The following EIF2B3 variants were observed in gnomAD, a reference collection of about 807,000 sequenced individuals.
EIF2B3 encodes eukaryotic translation initiation factor 2B subunit gamma.
Under a neutral mutation model 54.1 loss-of-function variants are expected in EIF2B3, and 20 were observed. That is an observed-to-expected ratio of 0.37 (90% CI 0.26 to 0.54). The LOEUF (loss-of-function observed/expected upper bound fraction) is 0.54. EIF2B3 is among the 20% of genes least tolerant of loss of function. The probability of loss-of-function intolerance (pLI) is 0.86; values close to 1 mark genes in which losing one functional copy is unlikely to be tolerated. For missense variants in EIF2B3, 448 were observed against 547.8 expected (o/e 0.82, Z 1.82); for synonymous variants, 153 against 188.1 (o/e 0.81, Z 1.52).
intron 8 of EIF2B3, 81 bp downstream of exon 8, chr1:44,879,737 T>G: frequency 6.8e-7 from 1 of 1,476,070 alleles, no homozygotes; most frequent in Non-Finnish European, 9.4e-7. Flanking sequence ...CAAGTTACTA[T>G]GTACCTAATG....
At chr1:44,978,916 C>A (rs1251963728) in intron 2 of EIF2B3, among the ~76,000 whole-genome samples, 1 of 151,786 alleles carries the variant, frequency 6.6e-6, no homozygotes, top group African/African-American at 2.4e-5. Flanking sequence ...TGATTACAGA[C>A]GTGAACCACT....
intron 5 of EIF2B3, among the ~76,000 whole-genome samples, chr1:44,910,657 TAA>T (rs71040518): frequency 2.7e-5 from 2 of 73,676 alleles, no homozygotes; most frequent in Admixed American, 1.4e-4. Context: ...TTTTTTTTTT[TAA>T]AAGAGAGAAA....
At chr1:44,875,314 G>A (rs1000618764) in intron 9 of EIF2B3, among the ~76,000 whole-genome samples, 1 of 152,184 alleles carries the variant, frequency 6.6e-6, no homozygotes, top group Non-Finnish European at 1.5e-5. Flanking sequence ...AGATCCAAGG[G>A]AGTCCCAAGC....
intron 5 of EIF2B3, among the ~76,000 whole-genome samples, chr1:44,910,004 A>G (rs1215424410): frequency 6.6e-6 from 1 of 152,178 alleles, no homozygotes; most frequent in Non-Finnish European, 1.5e-5. Flanking sequence ...TGACCTTGTG[A>G]ACATTTTATT....
At chr1:44,972,955 C>T (rs529133239) in intron 3 of EIF2B3, among the ~76,000 whole-genome samples, 4 of 152,090 alleles carry the variant, frequency 2.6e-5, no homozygotes, top group Non-Finnish European at 5.9e-5. Context: ...ATAGGAGCAT[C>T]GCTTGACCCT....
intron 10 of EIF2B3, among the ~76,000 whole-genome samples, chr1:44,862,497 C>T (rs1654639709): frequency 6.6e-6 from 1 of 152,208 alleles, no homozygotes; most frequent in South Asian, 2.1e-4. Context: ...GCAAGAGTGC[C>T]TCCAAATTCT....
chr1:44,931,779 G>A lies in EIF2B3; in HGVS notation c.455-5040C>T, dbSNP rs114146943. Among the ~76,000 whole-genome samples the A allele has an allele frequency of 1.9e-3, 288 of 152,294 alleles. 1 individual carries two copies. Among genetic ancestry groups the A allele is most frequent in the African/African-American group, 6.6e-3 (275 of 41,552 alleles). ...AGGCCAAGAAGCTCCCAATAAACCA[G>A]AACTAGAAAGGAACTTTCTCAATCT... On this transcript the variant is annotated intron_variant, in intron 4 of 11. Transcript: ENST00000360403.
At chr1:44,975,642 T>C (rs112291036) in intron 3 of EIF2B3, among the ~76,000 whole-genome samples, 34 of 152,292 alleles carry the variant, frequency 2.2e-4, no homozygotes, top group African/African-American at 6.5e-4. Context: ...TTACTATATA[T>C]ACGATGTTCA....
At chr1:44,974,247 G>C (rs749823895) in intron 3 of EIF2B3, among the ~76,000 whole-genome samples, 1 of 151,540 alleles carries the variant, frequency 6.6e-6, no homozygotes, top group African/African-American at 2.4e-5. Flanking sequence ...GGCAAGGTTG[G>C]GGGTATCACT....
At chr1:44,916,387 A>AC (rs1643622808) in intron 5 of EIF2B3, among the ~76,000 whole-genome samples, 1 of 150,072 alleles carries the variant, frequency 6.7e-6, no homozygotes, top group Admixed American at 6.7e-5. Context: ...ATGCTTGGTT[A>AC]TTTTTTTTTA....
chr1:44,856,530 A>T (rs1223714181), intron 11 of EIF2B3, among the ~76,000 whole-genome samples: 6 of 90,650 alleles, frequency 6.6e-5, no homozygotes, highest in African/African-American at 1.6e-4. Context: ...ATTAAAATTA[A>T]AAAAAAAAAA....
chr1:44,888,106 C>T (rs939967083), intron 6 of EIF2B3, among the ~76,000 whole-genome samples: 10 of 152,138 alleles, frequency 6.6e-5, no homozygotes, highest in Non-Finnish European at 1.3e-4. Context: ...TAAAGTCCCT[C>T]TTGGTTAAAA....
intron 5 of EIF2B3, among the ~76,000 whole-genome samples, chr1:44,915,109 G>C (rs1052771569): frequency 3.3e-5 from 5 of 151,658 alleles, no homozygotes; most frequent in Non-Finnish European, 5.9e-5. Flanking sequence ...GACCAGCCTG[G>C]CCAACATGGT....
intron 4 of EIF2B3, among the ~76,000 whole-genome samples, chr1:44,935,939 TG>T (rs940402819): frequency 6.8e-6 from 1 of 146,764 alleles, no homozygotes; most frequent in African/African-American, 2.5e-5. Flanking sequence ...TGTGGCATTT[TG>T]GTTTTTTTTT....
intron 2 of EIF2B3, among the ~76,000 whole-genome samples, chr1:44,980,648 G>C (rs183839366): frequency 2.6e-5 from 4 of 151,782 alleles, no homozygotes; most frequent in African/African-American, 9.7e-5. Context: ...TATATAACCT[G>C]GTACTTACAT....
chr1:44,904,928 G>C (rs1190659314), intron 5 of EIF2B3, among the ~76,000 whole-genome samples: 1 of 152,158 alleles, frequency 6.6e-6, no homozygotes, highest in East Asian at 1.9e-4. Context: ...TAGAGACCAA[G>C]ATATGCTTGA....
At chr1:44,902,788 A>G (rs1487578629) in intron 5 of EIF2B3, among the ~76,000 whole-genome samples, 1 of 136,780 alleles carries the variant, frequency 7.3e-6, no homozygotes, top group Non-Finnish European at 1.5e-5. Flanking sequence ...TGAACGTGCT[A>G]CTGCACTCCA....
intron 8 of EIF2B3, 88 bp downstream of exon 8, chr1:44,879,730 G>A (rs1655324749): frequency 6.9e-7 from 1 of 1,452,482 alleles, no homozygotes; most frequent in African/African-American, 1.4e-5. Flanking sequence ...TTCTTAACAA[G>A]TTACTATGTA....
At chr1:44,902,524 A>G (rs931486324) in intron 5 of EIF2B3, among the ~76,000 whole-genome samples, 4 of 152,084 alleles carry the variant, frequency 2.6e-5, no homozygotes, top group African/African-American at 9.7e-5. Flanking sequence ...AAAAAAAGAA[A>G]GAAAGAAATG....
Sources: gnomAD v4.1 joint callset for allele counts (sites outside exome capture counted in the v4.1 genomes callset) on GRCh38, gnomAD v4.1.1 for gene constraint, MANE v1.5 for transcripts, NCBI Gene and HGNC (gene_info 2026-07-23, HGNC 2026-07-21) for gene names.